The following XYLT1 variants were observed in gnomAD, a reference collection of about 807,000 sequenced individuals.
The protein encoded by XYLT1 is beta-D-xylosyltransferase 1.
In XYLT1, 36 loss-of-function variants were observed where a neutral mutation model predicts 91.3. That is an observed-to-expected ratio of 0.39 (90% CI 0.30 to 0.52). The LOEUF is 0.52. Ranked by LOEUF, XYLT1 falls within the 20% of genes least tolerant of loss-of-function variation. The probability of loss-of-function intolerance (pLI) is 0.68; values close to 1 mark genes in which losing one functional copy is unlikely to be tolerated. For missense variants in XYLT1, 1,242 were observed against 1,284.5 expected (o/e 0.97, Z 0.51); for synonymous variants, 588 against 532.0 (o/e 1.11, Z -1.45).
intron 5 of XYLT1, among the ~76,000 whole-genome samples, chr16:17,184,531 A>C (rs1718315028): frequency 1.1e-5 from 1 of 93,854 alleles, no homozygotes; most frequent in South Asian, 4.7e-4. Flanking sequence ...TCATGAGCGC[A>C]CAGTTTTAAT....
chr16:17,160,202 G>A (rs1463462), intron 5 of XYLT1, among the ~76,000 whole-genome samples: 106,759 of 152,102 alleles, frequency 0.7, 38,537 homozygotes, highest in African/African-American at 0.84. Context: ...CTCTGAATGC[G>A]CCTAGGTTGA....
At chr16:17,213,770 C>T (rs147569202) in intron 3 of XYLT1, among the ~76,000 whole-genome samples, 2,073 of 152,144 alleles carry the variant, frequency 0.014, 48 homozygotes, top group African/African-American at 0.047. Context: ...AGGTGCCCAC[C>T]CCCATGCCCG....
At chr16:17,164,389 C>T (rs995727953) in intron 5 of XYLT1, among the ~76,000 whole-genome samples, 3 of 151,784 alleles carry the variant, frequency 2.0e-5, no homozygotes, top group African/African-American at 7.3e-5. Context: ...GTCTGTAGAC[C>T]ATCTTAACCA....
At chr16:17,256,977 G>T (rs1168551415) in intron 3 of XYLT1, among the ~76,000 whole-genome samples, 3 of 152,196 alleles carry the variant, frequency 2.0e-5, no homozygotes, top group African/African-American at 7.2e-5. Context: ...TCTCCATCTA[G>T]CTCGACTCTG....
intron 1 of XYLT1, among the ~76,000 whole-genome samples, chr16:17,378,658 T>G (rs1047298404): frequency 1.3e-5 from 2 of 152,224 alleles, no homozygotes; most frequent in Non-Finnish European, 2.9e-5. Context: ...GCCTTAACTC[T>G]TTGTAACTCA....
intron 8 of XYLT1, 150 bp from the exon 9 acceptor site, chr16:17,134,885 A>T: frequency 2.3e-6 from 2 of 887,914 alleles, no homozygotes; most frequent in Non-Finnish European, 1.7e-6. Context: ...TCTCAGTTTC[A>T]ACATCTGTAA....
At chr16:17,429,236 C>T (rs2036358020) in intron 1 of XYLT1, among the ~76,000 whole-genome samples, 1 of 152,204 alleles carries the variant, frequency 6.6e-6, no homozygotes, top group South Asian at 2.1e-4. Context: ...AGGCTTAAGT[C>T]TCTAACTGCT....
At chr16:17,165,373 GT>G (rs1434434856) in intron 5 of XYLT1, among the ~76,000 whole-genome samples, 1 of 152,158 alleles carries the variant, frequency 6.6e-6, no homozygotes, top group Non-Finnish European at 1.5e-5. Context: ...CCTTTTAACG[GT>G]TGCACAGGAT....
intron 2 of XYLT1, among the ~76,000 whole-genome samples, chr16:17,319,449 A>T (rs894900557): frequency 6.9e-6 from 1 of 144,206 alleles, no homozygotes; most frequent in Non-Finnish European, 1.5e-5. Context: ...CCATTCAGGA[A>T]TTTTTTTTTT....
At chr16:17,198,809 A>G (rs1445440400) in intron 4 of XYLT1, among the ~76,000 whole-genome samples, 5 of 152,178 alleles carry the variant, frequency 3.3e-5, no homozygotes, top group Non-Finnish European at 5.9e-5. Flanking sequence ...AAGTGGTGCC[A>G]TCTCAGCTCA....
intron 2 of XYLT1, among the ~76,000 whole-genome samples, chr16:17,344,111 A>G (rs2141849539): frequency 6.6e-6 from 1 of 152,206 alleles, no homozygotes; most frequent in South Asian, 2.1e-4. Flanking sequence ...AGACAACTGG[A>G]GGAGGGAGTG....
intron 3 of XYLT1, among the ~76,000 whole-genome samples, chr16:17,236,203 G>C (rs1286511321): frequency 6.6e-6 from 1 of 152,154 alleles, no homozygotes; most frequent in Non-Finnish European, 1.5e-5. Flanking sequence ...TTAAATACAA[G>C]CATCTGATTT....
chr16:17,311,748 A>G (rs1184405092), intron 2 of XYLT1, among the ~76,000 whole-genome samples: 2 of 152,200 alleles, frequency 1.3e-5, no homozygotes, highest in African/African-American at 2.4e-5. Flanking sequence ...TATTAAGAAA[A>G]ATAAGTTTAA....
intron 1 of XYLT1, among the ~76,000 whole-genome samples, chr16:17,458,937 G>A (rs907024885): frequency 4.6e-5 from 7 of 152,014 alleles, no homozygotes; most frequent in African/African-American, 1.7e-4. Context: ...GTGCATCTGG[G>A]ATGTTGTCAG....
chr16:17,224,047 G>A (rs540119074), intron 3 of XYLT1, among the ~76,000 whole-genome samples: 5 of 152,194 alleles, frequency 3.3e-5, no homozygotes, highest in Non-Finnish European at 5.9e-5. Flanking sequence ...ACCAGACCTC[G>A]CTAGCTCTGT....
chr16:17,469,900 A>G (rs1428763118), intron 1 of XYLT1, among the ~76,000 whole-genome samples: 2 of 152,166 alleles, frequency 1.3e-5, no homozygotes, highest in Non-Finnish European at 2.9e-5. Flanking sequence ...GACACCCCGG[A>G]CTGAGTATTG....
rs568197335 is a variant in XYLT1, at chr16:17,415,774, G to A, written c.363+54660C>T. On this transcript the variant is annotated intron_variant, in intron 1 of 11. Transcript: ENST00000261381. Reference sequence around the variant, plus strand: ...CTATGGAGGAAAAGGAGAAGCTGCTGTGGTGAGCAGGAATACGAGATTCCA... The same window carrying A: ...CTATGGAGGAAAAGGAGAAGCTGCTATGGTGAGCAGGAATACGAGATTCCA... Among the ~76,000 whole-genome samples, 5 of 152,298 alleles carry A rather than the reference G, an allele frequency of 3.3e-5. No individual in the cohort carries two copies. In the East Asian group the frequency reaches 9.7e-4, roughly 29 times the overall value.
intron 6 of XYLT1, among the ~76,000 whole-genome samples, chr16:17,151,987 C>T (rs556541153): frequency 6.6e-6 from 1 of 152,326 alleles, no homozygotes; most frequent in South Asian, 2.1e-4. Context: ...ACTGAATCAG[C>T]TTGCATCGCC....
Position 17,327,207 on chromosome 16 carries a change from A to C in XYLT1, c.402+30805T>G, listed in dbSNP as rs184761285. 2.6e-3 allele frequency among the ~76,000 whole-genome samples: 390 copies of C among 152,230 alleles called. 3 individuals are homozygous for C. The highest frequency in any genetic ancestry group is 8.8e-3 in the African/African-American group (365 of 41,546). ...CATTCAACCTTTATATTCCAACTAA[A>C]CGTTTTAAATTATTTTTTAAAAAGT... On this transcript the variant is annotated intron_variant, in intron 2 of 11. Coordinates refer to ENST00000261381, the MANE Select transcript of XYLT1 (RefSeq NM_022166.4).
Sources: gnomAD v4.1 joint callset for allele counts (sites outside exome capture counted in the v4.1 genomes callset) on GRCh38, gnomAD v4.1.1 for gene constraint, MANE v1.5 for transcripts, NCBI Gene and HGNC (gene_info 2026-07-23, HGNC 2026-07-21) for gene names.